The following TMEM120A variants were observed in gnomAD, a reference collection of about 807,000 sequenced individuals.
TMEM120A encodes transmembrane protein 120A.
A neutral mutation model predicts 54.3 loss-of-function variants in TMEM120A; 45 were observed. The observed-to-expected ratio is 0.83, with a 90% CI of 0.65 to 1.06. The LOEUF (loss-of-function observed/expected upper bound fraction) is 1.06, where lower values mean the gene tolerates loss of function less well. Among genes scored for constraint, TMEM120A ranks in the 50% least tolerant of loss-of-function variants. The pLI is 0.00. For synonymous variants in TMEM120A, 204 were observed against 178.5 expected, an observed-to-expected ratio of 1.14 and a Z score of -1.14; for missense variants, 424 against 441.7, an observed-to-expected ratio of 0.96 and a Z score of 0.36.
intron 3 of TMEM120A, among the ~76,000 whole-genome samples, chr7:75,991,800 C>A (rs557352444): frequency 3.3e-5 from 5 of 152,166 alleles, no homozygotes; most frequent in Non-Finnish European, 7.3e-5. Context: ...CCACCTCCAT[C>A]TCCCAGAGTG....
chr7:75,991,994 G>C (rs1276678605), intron 3 of TMEM120A, 150 bp downstream of exon 3: 1 of 548,918 alleles, frequency 1.8e-6, no homozygotes, highest in Non-Finnish European at 3.2e-6. Flanking sequence ...CTCTCAGCCA[G>C]GTGTCTCCCC....
chr7:75,994,553 CG>C lies in TMEM120A; in HGVS notation c.17del (p.Pro6ArgfsTer30). On this transcript the variant is annotated frameshift_variant, in exon 1 of 12. Transcript: ENST00000493111. LOFTEE classifies it high-confidence loss of function. MQPPP[P>X]GPLGDCLRDW... ...CCCGCAGGCAGTCGCCCAGCGGGCC[CG>C]GGGGCGGGGGCTGCATGGCTGCAGC... The C allele has an allele frequency of 1.9e-6, 3 of 1,550,194 alleles. No individual in the cohort carries two copies. The highest frequency in any genetic ancestry group is 2.5e-5 in the East Asian group (1 of 40,184).
chr7:75,989,907 T>C (rs1393975595), intron 3 of TMEM120A, among the ~76,000 whole-genome samples: 1 of 152,042 alleles, frequency 6.6e-6, no homozygotes, highest in Non-Finnish European at 1.5e-5. Flanking sequence ...TGAGATCATC[T>C]TGCCCTTCTC....
intron 1 of TMEM120A, 27 bp from the exon 2 acceptor site, chr7:75,992,584 G>C: frequency 6.6e-7 from 1 of 1,516,092 alleles, no homozygotes; most frequent in Non-Finnish European, 8.9e-7. Flanking sequence ...AGAGGCTCAG[G>C]CCAGTTGGGG....
At chr7:75,992,118 C>T in intron 3 of TMEM120A, 26 bp downstream of exon 3, 1 of 1,528,146 alleles carries the variant, frequency 6.5e-7, no homozygotes, top group Non-Finnish European at 8.9e-7. Context: ...GTGAACTGAG[C>T]TGGGGGTGGC....
intron 3 of TMEM120A, 143 bp downstream of exon 3, chr7:75,992,001 C>A (rs1270149734): frequency 3.5e-6 from 2 of 576,394 alleles, no homozygotes; most frequent in Admixed American, 3.4e-5. Context: ...CCAGGTGTCT[C>A]CCCTGAAGTC....
intron 3 of TMEM120A, among the ~76,000 whole-genome samples, chr7:75,991,397 TTTTA>T (rs1459085446): frequency 1.3e-5 from 2 of 152,156 alleles, no homozygotes; most frequent in South Asian, 2.1e-4. Context: ...GCCTCATTTT[TTTTA>T]TTTATTTACT....
intron 1 of TMEM120A, among the ~76,000 whole-genome samples, chr7:75,994,087 G>A (rs2116679491): frequency 6.6e-6 from 1 of 152,174 alleles, no homozygotes; most frequent in African/African-American, 2.4e-5. Flanking sequence ...CATCCAGGCC[G>A]AGGACACCCC....
chr7:75,987,849 C>G (rs539631665), intron 8 of TMEM120A, 39 bp from the exon 9 acceptor site: 65 of 1,602,938 alleles, frequency 4.1e-5, no homozygotes, highest in Admixed American at 1.9e-4. Flanking sequence ...GGCTGAGCCC[C>G]GGGAGGGGTT....
chr7:75,994,482 G>T lies in TMEM120A; in HGVS notation c.81+8C>A. 1.3e-6 allele frequency: 2 copies of T among 1,558,656 alleles called. No homozygotes were observed. The highest frequency in any genetic ancestry group is 1.2e-5 in the South Asian group (1 of 84,946). On this transcript the variant is annotated splice_region_variant and intron_variant, in intron 1 of 11. Transcript: ENST00000493111. ...CGGGGGCGACCCGGCGTCCGCAGCG[G>T]CGCTAACCTGGATGTTCTGGAAGTC...
chr7:75,992,026 T>C (rs781802896), intron 3 of TMEM120A, 118 bp downstream of exon 3: 9 of 691,192 alleles, frequency 1.3e-5, no homozygotes, highest in South Asian at 2.0e-5. Context: ...CTGTGCCTCA[T>C]TGCTCAGCCT....
At chr7:75,991,499 G>A (rs936217232) in intron 3 of TMEM120A, among the ~76,000 whole-genome samples, 35 of 152,048 alleles carry the variant, frequency 2.3e-4, no homozygotes, top group South Asian at 4.1e-4. Flanking sequence ...TCCGCCTCCC[G>A]GGTTCAAGTG....
chr7:75,988,220 T>C (rs1789627310), intron 6 of TMEM120A, 32 bp downstream of exon 6: 1 of 1,611,914 alleles, frequency 6.2e-7, no homozygotes, highest in Non-Finnish European at 8.5e-7. Flanking sequence ...CCCCATTCCA[T>C]GCTCCCCTCC....
chr7:75,989,245 G>A, intron 3 of TMEM120A, 21 bp from the exon 4 acceptor site: 2 of 1,530,468 alleles, frequency 1.3e-6, no homozygotes, highest in South Asian at 1.2e-5. Context: ...GGGTGGCGGG[G>A]TGAGGAGAAG....
chr7:75,992,351 A>C (rs782450040), intron 2 of TMEM120A, 88 bp downstream of exon 2: 227 of 1,550,078 alleles, frequency 1.5e-4, no homozygotes, highest in Non-Finnish European at 1.9e-4. Flanking sequence ...CAGGGCCCAG[A>C]GAGGGGAGGG....
chr7:75,993,594 C>T (rs112463197), intron 1 of TMEM120A, among the ~76,000 whole-genome samples: 22,591 of 152,196 alleles, frequency 0.15, 2,345 homozygotes, highest in East Asian at 0.28. Context: ...GGGCCAGGGG[C>T]AGCTGGGTTT....
chr7:75,989,185 C>G lies in TMEM120A; in HGVS notation c.357G>C (p.Thr119=), dbSNP rs376816660. The change falls in exon 4 of 12, where the codon ACG becomes ACC. Residue 119 remains threonine (T), a synonymous_variant. Coordinates refer to ENST00000493111, the MANE Select transcript of TMEM120A (RefSeq NM_031925.3). ...LSLVLGNVNV[T]LLSKQAKFAY... ...ATTACTTAGCCTGCTTGCTCAGGAG[C>G]GTGACGTTGACGTTCCCCAGAACCA... 5 of 1,440,870 alleles carry G rather than the reference C, an allele frequency of 3.5e-6. No homozygotes were observed. The African/African-American group carries it at 4.4e-5, about 13-fold the overall frequency. The allele number at this position is 1,440,870 out of a possible 1,614,324, so 89.3% of individuals were successfully genotyped here. A position where few individuals can be genotyped will look rare whatever the true frequency, so the allele number is the denominator to read the frequency against.
At position 75,987,117 on chromosome 7, in the gene TMEM120A, C is replaced by G. The variant is rs1789531955; in HGVS notation, c.*55G>C. The G allele has an allele frequency of 2.7e-6, 4 of 1,465,384 alleles. No homozygotes were observed. Among genetic ancestry groups the G allele is most frequent in the Non-Finnish European group, 3.7e-6 (4 of 1,067,702 alleles). The allele number at this position is 1,465,384 out of a possible 1,614,324, so 90.8% of individuals were successfully genotyped here. ...ACACTCGAGGGGCGCCTCCCATCCC[C>G]TCCCACAACACACAGGACAGAAGCC... On this transcript the variant is annotated 3_prime_UTR_variant, in exon 12 of 12. Coordinates refer to ENST00000493111, the MANE Select transcript of TMEM120A (RefSeq NM_031925.3).
At chr7:75,989,355 G>A in intron 3 of TMEM120A, 131 bp from the exon 4 acceptor site, 1 of 687,180 alleles carries the variant, frequency 1.5e-6, no homozygotes, top group South Asian at 1.6e-5. Context: ...GCAGGGCCTT[G>A]GCATCGGGTT....
Sources: allele counts gnomAD v4.1 joint callset (sites outside exome capture counted in the v4.1 genomes callset), GRCh38; gene constraint gnomAD v4.1.1; transcripts MANE v1.5; gene names NCBI Gene and HGNC (gene_info 2026-07-23, HGNC 2026-07-21).